AGBL4: variants seen among roughly 807,000 people sequenced by gnomAD.
AGBL4 encodes AGBL carboxypeptidase 4, also known as cytosolic carboxypeptidase 6.
Under a neutral mutation model 66.4 loss-of-function variants are expected in AGBL4, and 58 were observed. The observed-to-expected ratio is 0.87, with a 90% CI of 0.71 to 1.09. The LOEUF (loss-of-function observed/expected upper bound fraction) is 1.09. AGBL4 is among the 50% of genes least tolerant of loss of function. AGBL4 has a pLI of 0.00. For synonymous variants in AGBL4, 234 were observed against 222.9 expected, an observed-to-expected ratio of 1.05 and a Z score of -0.44; for missense variants, 579 against 631.0, an observed-to-expected ratio of 0.92 and a Z score of 0.88.
intron 3 of AGBL4, among the ~76,000 whole-genome samples, chr1:49,433,014 C>T (rs1645820961): frequency 1.3e-5 from 2 of 152,104 alleles, no homozygotes; most frequent in South Asian, 4.1e-4. Context: ...TCCAAAAAAC[C>T]CAAAGGGACT....
At chr1:48,737,128 A>T (rs565914334) in intron 6 of AGBL4, among the ~76,000 whole-genome samples, 1 of 152,112 alleles carries the variant, frequency 6.6e-6, no homozygotes, top group East Asian at 1.9e-4. Flanking sequence ...CTAAAAATAC[A>T]AAAAAATTAG....
chr1:48,812,225 C>G (rs1167135021), intron 6 of AGBL4, among the ~76,000 whole-genome samples: 1 of 152,158 alleles, frequency 6.6e-6, no homozygotes, highest in Non-Finnish European at 1.5e-5. Context: ...CCAGTGAAAA[C>G]TACAAAGCTG....
chr1:49,328,271 C>T (rs1570444408), intron 3 of AGBL4, among the ~76,000 whole-genome samples: 1 of 152,270 alleles, frequency 6.6e-6, no homozygotes, highest in East Asian at 1.9e-4. Flanking sequence ...TTCAATTTCA[C>T]TTGAACAGCT....
chr1:49,270,951 A>T (rs1416324622), intron 3 of AGBL4, among the ~76,000 whole-genome samples: 1 of 152,172 alleles, frequency 6.6e-6, no homozygotes, highest in East Asian at 1.9e-4. Flanking sequence ...AAAAATCTAA[A>T]CTAAAATAAA....
At chr1:49,581,222 G>C (rs1458402552) in intron 3 of AGBL4, among the ~76,000 whole-genome samples, 1 of 151,524 alleles carries the variant, frequency 6.6e-6, no homozygotes, top group Non-Finnish European at 1.5e-5. Context: ...ATATTTCCTT[G>C]GTAAATTTCT....
chr1:50,015,564 A>C (rs1367697431), intron 1 of AGBL4, among the ~76,000 whole-genome samples: 1 of 152,154 alleles, frequency 6.6e-6, no homozygotes, highest in Non-Finnish European at 1.5e-5. Flanking sequence ...GGCTGAGATG[A>C]GACCATCACT....
At chr1:48,575,113 G>A (rs759876014) in intron 11 of AGBL4, among the ~76,000 whole-genome samples, 11 of 152,236 alleles carry the variant, frequency 7.2e-5, no homozygotes, top group Admixed American at 5.9e-4. Flanking sequence ...TCTCGGGCAG[G>A]GTAGTGATTT....
At chr1:48,733,851 T>G (rs753869908) in intron 6 of AGBL4, among the ~76,000 whole-genome samples, 8 of 152,220 alleles carry the variant, frequency 5.3e-5, no homozygotes, top group Non-Finnish European at 1.2e-4. Context: ...GTGCCTACTA[T>G]GTGCCAGACA....
At chr1:49,856,005 C>G (rs1052031783) in intron 1 of AGBL4, among the ~76,000 whole-genome samples, 1 of 150,298 alleles carries the variant, frequency 6.7e-6, no homozygotes, top group Non-Finnish European at 1.5e-5. Flanking sequence ...GCTAGCTAAA[C>G]GATACAAAGA....
At chr1:49,602,423 C>T (rs767409584) in intron 3 of AGBL4, among the ~76,000 whole-genome samples, 3 of 152,056 alleles carry the variant, frequency 2.0e-5, no homozygotes, top group Non-Finnish European at 4.4e-5. Context: ...TTCACAATAG[C>T]AAAGACTTGG....
In AGBL4 at chr1:48,709,415, G is replaced by A. The variant is rs143925519; in HGVS notation, c.635-46174C>T. 1.3e-3 allele frequency among the ~76,000 whole-genome samples: 192 copies of A among 152,162 alleles called. 1 individual carries two copies. The highest frequency in any genetic ancestry group is 4.4e-3 in the Admixed American group (68 of 15,284). Reference sequence around the variant, plus strand: ...CAGATATGCTACACACCTACACACCGAATAGAAAACCAAAAACACATACAC... The same window carrying A: ...CAGATATGCTACACACCTACACACCAAATAGAAAACCAAAAACACATACAC... On this transcript the variant is annotated intron_variant, in intron 6 of 13. Transcript: ENST00000371839.
At chr1:49,725,682 GTTT>G (rs58294452) in intron 2 of AGBL4, among the ~76,000 whole-genome samples, 2 of 119,080 alleles carry the variant, frequency 1.7e-5, no homozygotes, top group African/African-American at 3.4e-5. Flanking sequence ...TCCTTTGTGG[GTTT>G]TTTTTTTTTT....
chr1:49,093,358 T>C (rs952552147), intron 4 of AGBL4, among the ~76,000 whole-genome samples: 2 of 152,172 alleles, frequency 1.3e-5, no homozygotes, highest in Non-Finnish European at 2.9e-5. Flanking sequence ...AATATCTTAC[T>C]AGATTCTCAC....
intron 1 of AGBL4, among the ~76,000 whole-genome samples, chr1:49,900,771 A>G (rs960158958): frequency 2.6e-5 from 4 of 152,238 alleles, no homozygotes; most frequent in African/African-American, 9.6e-5. Context: ...CAAGCTAAGA[A>G]TAACATTCTA....
intron 2 of AGBL4, among the ~76,000 whole-genome samples, chr1:49,751,299 T>A (rs1205828940): frequency 6.6e-6 from 1 of 152,200 alleles, no homozygotes; most frequent in Non-Finnish European, 1.5e-5. Context: ...TGAAGGGGTG[T>A]TGAATTTTAT....
chr1:48,688,288 C>T (rs1461723597), intron 6 of AGBL4, among the ~76,000 whole-genome samples: 2 of 152,152 alleles, frequency 1.3e-5, no homozygotes, highest in Non-Finnish European at 2.9e-5. Context: ...GGCTGGTCCT[C>T]CTAGTGGGTG....
chr1:49,599,376 C>A (rs1162355755), intron 3 of AGBL4, among the ~76,000 whole-genome samples: 1 of 152,136 alleles, frequency 6.6e-6, no homozygotes, highest in Non-Finnish European at 1.5e-5. Context: ...CCTAGATTTT[C>A]TAGTGTATTT....
At position 49,551,642 on chromosome 1, in the gene AGBL4, C is replaced by T. The variant is rs77534198; in HGVS notation, c.282+145671G>A. 5.9e-3 allele frequency among the ~76,000 whole-genome samples: 894 copies of T among 152,342 alleles called. 6 individuals are homozygous for T. Among genetic ancestry groups the T allele is most frequent in the Non-Finnish European group, 9.9e-3 (673 of 68,034 alleles). ...GGGTTGTCTGTACAGACTCCTGTGA[C>T]ATGAGCCATCTATGGGTCTCAGCCA... is the stretch of plus-strand genomic sequence containing the variant. On this transcript the variant is annotated intron_variant, in intron 3 of 13. Coordinates refer to ENST00000371839, the MANE Select transcript of AGBL4 (RefSeq NM_032785.4).
At chr1:49,824,746 TAA>T (rs1332720783) in intron 2 of AGBL4, among the ~76,000 whole-genome samples, 1 of 152,174 alleles carries the variant, frequency 6.6e-6, no homozygotes, top group East Asian at 1.9e-4. Context: ...TGTGGAGAAC[TAA>T]AACTGTGTAA....
Sources: gnomAD v4.1 joint callset for allele counts (sites outside exome capture counted in the v4.1 genomes callset) on GRCh38, gnomAD v4.1.1 for gene constraint, MANE v1.5 for transcripts, NCBI Gene and HGNC (gene_info 2026-07-23, HGNC 2026-07-21) for gene names.